Variants in LRP1B observed in about 807,000 individuals in gnomAD.
LRP1B encodes low-density lipoprotein receptor-related protein 1B.
A neutral mutation model predicts 556.6 loss-of-function variants in LRP1B; 217 were observed. That is an observed-to-expected ratio of 0.39 (90% CI 0.35 to 0.44). The LOEUF (loss-of-function observed/expected upper bound fraction) is 0.44. Ranked by LOEUF, LRP1B falls within the 20% of genes least tolerant of loss-of-function variation. The pLI, the probability that LRP1B is intolerant of heterozygous loss-of-function variation, is 1.00. For synonymous variants in LRP1B, 2,047 were observed against 1,865.8 expected, an observed-to-expected ratio of 1.10 and a Z score of -2.50; for missense variants, 5,053 against 5,620.8, an observed-to-expected ratio of 0.90 and a Z score of 3.23.
chr2:141,405,348 A>C (rs1164637213), intron 3 of LRP1B, among the ~76,000 whole-genome samples: 1 of 152,226 alleles, frequency 6.6e-6, no homozygotes, highest in Admixed American at 6.5e-5. Context: ...GGAATCAGAT[A>C]TTAATCAGAT....
At chr2:140,936,842 T>C (rs1444354912) in intron 20 of LRP1B, among the ~76,000 whole-genome samples, 5 of 152,148 alleles carry the variant, frequency 3.3e-5, no homozygotes, top group African/African-American at 1.2e-4. Flanking sequence ...ACATACAATG[T>C]ATTAGGTTGG....
chr2:141,126,190 CCTGA>C (rs111422846), intron 7 of LRP1B, among the ~76,000 whole-genome samples: 40 of 152,160 alleles, frequency 2.6e-4, no homozygotes, highest in African/African-American at 7.0e-4. Flanking sequence ...TGTCACCACG[CCTGA>C]CTAATTTTTT....
chr2:141,036,624 A>G (rs542550051), intron 11 of LRP1B, among the ~76,000 whole-genome samples: 5 of 152,146 alleles, frequency 3.3e-5, no homozygotes, highest in South Asian at 2.1e-4. Context: ...AGCAGAAGTA[A>G]AAGGCAAAGC....
chr2:140,695,973 AG>A (rs1686416442), intron 41 of LRP1B, among the ~76,000 whole-genome samples: 1 of 152,166 alleles, frequency 6.6e-6, no homozygotes, highest in African/African-American at 2.4e-5. Context: ...TCTTATATTC[AG>A]CTATATGAAG....
intron 1 of LRP1B, among the ~76,000 whole-genome samples, chr2:142,049,274 C>A (rs1211953002): frequency 2.6e-5 from 4 of 152,068 alleles, no homozygotes; most frequent in Non-Finnish European, 4.4e-5. Context: ...TTTCTGCTAG[C>A]ACAGAGATTA....
intron 3 of LRP1B, among the ~76,000 whole-genome samples, chr2:141,301,857 A>G (rs1189187648): frequency 1.3e-5 from 2 of 152,180 alleles, no homozygotes; most frequent in African/African-American, 4.8e-5. Flanking sequence ...TGGTTAAAGA[A>G]TAAATCAGTA....
At position 141,962,484 on chromosome 2, in the gene LRP1B, C is replaced by T. The variant is rs547104948; in HGVS notation, c.83-152083G>A. The stretch of plus-strand genomic sequence containing the variant: ...TATCCATATAGACCTGTTCACATTG[C>T]ACTGGATTAGACTGTGCAAATATTC... On this transcript the variant is annotated intron_variant, in intron 1 of 90. Transcript: ENST00000389484. Among the ~76,000 whole-genome samples, 4 of 151,834 alleles carry T rather than the reference C, an allele frequency of 2.6e-5. No individual in the cohort carries two copies. In the South Asian group the frequency reaches 6.2e-4, roughly 24 times the overall value.
chr2:140,347,427 T>G (rs745431934), intron 77 of LRP1B, among the ~76,000 whole-genome samples: 5 of 151,492 alleles, frequency 3.3e-5, no homozygotes, highest in Non-Finnish European at 5.9e-5. Flanking sequence ...CTAACCATTT[T>G]CATAGATCAC....
chr2:141,481,635 G>A (rs1001623762), intron 2 of LRP1B, among the ~76,000 whole-genome samples: 1 of 152,156 alleles, frequency 6.6e-6, no homozygotes, highest in African/African-American at 2.4e-5. Context: ...ACTACAAAGC[G>A]CTGAGCACTG....
At chr2:141,142,921 CTT>C (rs35543111) in intron 7 of LRP1B, among the ~76,000 whole-genome samples, 18 of 101,432 alleles carry the variant, frequency 1.8e-4, no homozygotes, top group African/African-American at 4.0e-4. Context: ...TGTCTGATTA[CTT>C]TTTTTTTTTT....
intron 7 of LRP1B, among the ~76,000 whole-genome samples, chr2:141,098,898 C>T (rs933369551): frequency 4.2e-4 from 64 of 152,216 alleles, no homozygotes; most frequent in Admixed American, 1.6e-3. Context: ...CTCAGGTAAT[C>T]CGCCCGCCTC....
chr2:141,591,181 A>G (rs1687320843), intron 2 of LRP1B, among the ~76,000 whole-genome samples: 1 of 151,930 alleles, frequency 6.6e-6, no homozygotes. Flanking sequence ...GCCCATTTTC[A>G]CTTCCCTCTC....
At chr2:141,812,125 G>A (rs956760249) in intron 1 of LRP1B, among the ~76,000 whole-genome samples, 1 of 152,100 alleles carries the variant, frequency 6.6e-6, no homozygotes, top group African/African-American at 2.4e-5. Context: ...AGTGGTGTGT[G>A]ATATTTATAA....
At chr2:141,139,430 A>G (rs912499320) in intron 7 of LRP1B, among the ~76,000 whole-genome samples, 2 of 151,906 alleles carry the variant, frequency 1.3e-5, no homozygotes, top group African/African-American at 4.8e-5. Flanking sequence ...GATTGGGAAA[A>G]AAATCTTTAT....
intron 3 of LRP1B, among the ~76,000 whole-genome samples, chr2:141,343,344 G>T (rs1211068093): frequency 6.6e-6 from 1 of 152,034 alleles, no homozygotes; most frequent in African/African-American, 2.4e-5. Context: ...TATTCTAATA[G>T]CCTTGTCTAC....
chr2:140,580,543 A>G (rs2105134614), intron 43 of LRP1B, among the ~76,000 whole-genome samples: 1 of 152,340 alleles, frequency 6.6e-6, no homozygotes, highest in Admixed American at 6.5e-5. Context: ...TTTTGAAAGT[A>G]GGGGTGTAAC....
At chr2:140,792,427 C>G (rs1252362677) in intron 32 of LRP1B, among the ~76,000 whole-genome samples, 1 of 152,068 alleles carries the variant, frequency 6.6e-6, no homozygotes, top group Non-Finnish European at 1.5e-5. Context: ...TATTTTTATA[C>G]AAGACACTTT....
intron 2 of LRP1B, among the ~76,000 whole-genome samples, chr2:141,540,577 CT>C (rs147229480): frequency 0.031 from 4,786 of 152,018 alleles, 268 homozygotes; most frequent in African/African-American, 0.11. Flanking sequence ...ATGCTCTTGA[CT>C]TTTTTGAAGG....
intron 35 of LRP1B, among the ~76,000 whole-genome samples, chr2:140,752,214 T>G (rs1688603450): frequency 6.6e-6 from 1 of 152,014 alleles, no homozygotes; most frequent in South Asian, 2.1e-4. Context: ...CTAAGAAGGC[T>G]GAGGCAGAAG....
Sources: allele counts gnomAD v4.1 joint callset (sites outside exome capture counted in the v4.1 genomes callset), GRCh38; gene constraint gnomAD v4.1.1; transcripts MANE v1.5; gene names NCBI Gene and HGNC (gene_info 2026-07-23, HGNC 2026-07-21).